SLC12A7: variants seen among roughly 807,000 people sequenced by gnomAD.
SLC12A7 encodes K-Cl cotransporter 4.
Under a neutral mutation model 120.6 loss-of-function variants are expected in SLC12A7, and 100 were observed. The observed-to-expected ratio is 0.83, with a 90% confidence interval of 0.71 to 0.98. The LOEUF (loss-of-function observed/expected upper bound fraction) is 0.98, where lower values mean the gene tolerates loss of function less well. Ranked by LOEUF, SLC12A7 falls within the 50% of genes least tolerant of loss-of-function variation. The pLI is 0.00. For missense variants in SLC12A7, 1,373 were observed against 1,548.1 expected, an observed-to-expected ratio of 0.89 and a Z score of 1.90; for synonymous variants, 760 against 678.0, an observed-to-expected ratio of 1.12 and a Z score of -1.88.
At chr5:1,088,243 C>T (rs527342281) in intron 5 of SLC12A7, 63 bp downstream of exon 5, 10 of 1,527,536 alleles carry the variant, frequency 6.5e-6, no homozygotes, top group Middle Eastern at 3.4e-4. Context: ...TCGCGGTTGC[C>T]GTGCGGCAAA....
chr5:1,155,075 TC>T, the SLC12A7 span, among the ~76,000 whole-genome samples: 1 of 141,722 alleles, frequency 7.1e-6, no homozygotes, highest in Admixed American at 6.9e-5. Context: ...GTCCTCTGCC[TC>T]CCCCCGCCCC....
At chr5:1,104,919 G>A (rs897965861) in intron 1 of SLC12A7, among the ~76,000 whole-genome samples, 11 of 152,232 alleles carry the variant, frequency 7.2e-5, no homozygotes, top group South Asian at 4.1e-4. Flanking sequence ...GGCAGCACAC[G>A]CCCCTCCCCG....
the SLC12A7 span, among the ~76,000 whole-genome samples, chr5:1,127,204 G>A: frequency 6.6e-6 from 1 of 152,176 alleles, no homozygotes; most frequent in Non-Finnish European, 1.5e-5. Flanking sequence ...TAGTAGAGAC[G>A]GGGTTTCACT....
At chr5:1,110,255 C>T (rs1007213856) in intron 1 of SLC12A7, among the ~76,000 whole-genome samples, 1 of 152,242 alleles carries the variant, frequency 6.6e-6, no homozygotes, top group Non-Finnish European at 1.5e-5. Context: ...CAGCTCACAC[C>T]ACAGGGCCAC....
At chr5:1,148,013 C>A in the SLC12A7 span, among the ~76,000 whole-genome samples, 1 of 151,920 alleles carries the variant, frequency 6.6e-6, no homozygotes, top group African/African-American at 2.4e-5. Flanking sequence ...GGGATTATGC[C>A]TCGCCTGGCT....
chr5:1,085,170 G>A (rs1739679942), intron 7 of SLC12A7, 62 bp downstream of exon 7: 2 of 1,578,790 alleles, frequency 1.3e-6, no homozygotes, highest in Non-Finnish European at 1.7e-6. Flanking sequence ...GAGGCGGGCA[G>A]AGCCCATGGG....
chr5:1,091,221 C>T (rs1398175809), intron 3 of SLC12A7, among the ~76,000 whole-genome samples: 1 of 152,202 alleles, frequency 6.6e-6, no homozygotes, highest in African/African-American at 2.4e-5. Flanking sequence ...AGGTGGGAAC[C>T]TCCTGGGCCC....
rs1735103365 is a variant in SLC12A7 at position 1,052,149 on chromosome 5, C to T, written c.*211G>A. On this transcript the variant is annotated 3_prime_UTR_variant, in exon 24 of 24. Coordinates refer to ENST00000264930, the MANE Select transcript of SLC12A7 (RefSeq NM_006598.3). ...CCTCAGATGCAAGGAAATCGTCCAGCCACGCCCTGATTTGCTGAGCCTGTT... is the reference window on the plus strand; with the variant it reads ...CCTCAGATGCAAGGAAATCGTCCAGTCACGCCCTGATTTGCTGAGCCTGTT... The T allele has an allele frequency of 6.8e-6, 4 of 588,240 alleles. No individual in the cohort carries two copies. The South Asian group carries it at 8.2e-5, about 12-fold the overall frequency. 36.4% of individuals were successfully genotyped at this position (588,240 alleles called of 1,614,324 possible).
chr5:1,103,545 CCT>C (rs1207376016), intron 1 of SLC12A7, among the ~76,000 whole-genome samples: 1 of 152,232 alleles, frequency 6.6e-6, no homozygotes, highest in Non-Finnish European at 1.5e-5. Context: ...ACGCTTCCCC[CCT>C]CATTCATACA....
rs992162615 is a variant in SLC12A7 at position 1,057,544 on chromosome 5, T to C, written c.2953A>G (p.Lys985Glu). The C allele has an allele frequency of 6.2e-7, 1 of 1,613,260 alleles. No individual in the cohort carries two copies. Among genetic ancestry groups the C allele is most frequent in the Non-Finnish European group, 8.5e-7 (1 of 1,179,944 alleles). Residue 985 changes from lysine (K) to glutamate (E), a missense_variant, in exon 22 of 24, where the codon AAG (lysine) becomes GAG (glutamate). Lys to Glu is a moderately conservative substitution (Grantham distance 56, BLOSUM62 1). Coordinates refer to ENST00000264930, the MANE Select transcript of SLC12A7 (RefSeq NM_006598.3). ...DKVQMTWTREKLIAEKYRSRD... is the reference protein window; with the variant it reads ...DKVQMTWTREELIAEKYRSRD... The stretch of plus-strand genomic sequence containing the variant: ...CTCCTGTACTTCTCAGCGATCAGCT[T>C]CTCCCTGGTCCAGGTCATCTGCACC...
At chr5:1,114,901 G>A (rs1194842816), upstream of SLC12A7, among the ~76,000 whole-genome samples, 2 of 152,228 alleles carry the variant, frequency 1.3e-5, no homozygotes, top group African/African-American at 2.4e-5. Context: ...GAATTCACTG[G>A]AGGGAGAGGC....
chr5:1,067,145 C>A (rs151252571), intron 17 of SLC12A7, among the ~76,000 whole-genome samples: 1 of 152,222 alleles, frequency 6.6e-6, no homozygotes, highest in African/African-American at 2.4e-5. Context: ...GACACCTCCA[C>A]CTTCTGCCCA....
chr5:1,146,122 G>A, the SLC12A7 span, among the ~76,000 whole-genome samples: 2 of 152,162 alleles, frequency 1.3e-5, no homozygotes, highest in African/African-American at 4.8e-5. The surrounding 1 kb of genome is among the most constrained non-coding windows in gnomAD (Gnocchi z 6.5). Flanking sequence ...TGACCTTTCT[G>A]TGTCTGGCTG....
chr5:1,059,089 C>G (rs952078624), intron 21 of SLC12A7, among the ~76,000 whole-genome samples: 2 of 152,234 alleles, frequency 1.3e-5, no homozygotes, highest in Non-Finnish European at 2.9e-5. Context: ...CCAGGGCGAC[C>G]CTGCCGGATC....
the SLC12A7 span, among the ~76,000 whole-genome samples, chr5:1,132,966 A>C: frequency 6.6e-6 from 1 of 152,340 alleles, no homozygotes; most frequent in South Asian, 2.1e-4. Flanking sequence ...GCTGGGGTGC[A>C]GGGGCGTGAT....
intron 7 of SLC12A7, 117 bp downstream of exon 7, chr5:1,085,115 C>G (rs562898063): frequency 1.4e-6 from 2 of 1,423,208 alleles, no homozygotes; most frequent in Non-Finnish European, 1.9e-6. Context: ...CGGTCACACC[C>G]AGCCCACCCC....
chr5:1,087,391 C>G (rs1338583279), intron 5 of SLC12A7, among the ~76,000 whole-genome samples: 1 of 152,244 alleles, frequency 6.6e-6, no homozygotes, highest in African/African-American at 2.4e-5. Context: ...ATGAAAAAGG[C>G]AAAAGAGAAA....
In SLC12A7 at chr5:1,069,173, G is replaced by A. The variant is rs370527516; in HGVS notation, c.2242-3695C>T. 8.5e-5 allele frequency among the ~76,000 whole-genome samples: 13 copies of A among 152,374 alleles called. 2 individuals are homozygous for A. The highest frequency in any genetic ancestry group is 6.8e-3 in the Middle Eastern group (2 of 294). ...CATCTCCTGTCTTCCCTGGGAAGGC[G>A]AACCTGTGCAACAGCCTGAGAAGGT... On this transcript the variant is annotated intron_variant, in intron 17 of 23. Transcript: ENST00000264930.
intron 1 of SLC12A7, among the ~76,000 whole-genome samples, chr5:1,104,811 C>T (rs1239349943): frequency 6.6e-6 from 1 of 152,246 alleles, no homozygotes; most frequent in African/African-American, 2.4e-5. Flanking sequence ...AAGACACCGC[C>T]CAAGGGGAGA....
Sources: allele counts gnomAD v4.1 joint callset (sites outside exome capture counted in the v4.1 genomes callset), GRCh38; gene constraint gnomAD v4.1.1; non-coding constraint Gnocchi (gnomAD v3.1); transcripts MANE v1.5; gene names NCBI Gene and HGNC (gene_info 2026-07-23, HGNC 2026-07-21).